The following PAK3 variants were observed in gnomAD, a reference collection of about 807,000 sequenced individuals.
The protein encoded by PAK3 is serine/threonine-protein kinase PAK 3.
Under a neutral mutation model 41.0 loss-of-function variants are expected in PAK3, and 4 were observed. That is an observed-to-expected ratio of 0.10 (90% CI 0.05 to 0.22). The LOEUF is 0.22. PAK3 is among the 10% of genes least tolerant of loss of function. PAK3 has a pLI of 1.00. For missense variants in PAK3, 205 were observed against 409.9 expected (o/e 0.50, Z 4.32); for synonymous variants, 146 against 139.6 (o/e 1.05, Z -0.32).
chrX:110,953,241 G>A (rs748074132), intron 1 of PAK3, among the ~76,000 whole-genome samples: 1 of 111,775 alleles, frequency 8.9e-6, no homozygotes, highest in African/African-American at 3.2e-5. Context: ...AGTAAATGGA[G>A]CTTACATTAA....
At chrX:110,993,995 C>G (rs762990593) in intron 1 of PAK3, among the ~76,000 whole-genome samples, 1 of 112,149 alleles carries the variant, frequency 8.9e-6, no homozygotes, top group South Asian at 3.7e-4. Context: ...AAACGTCTGT[C>G]CTTCTCAGAA....
At chrX:111,161,073 A>G (rs1394361431) in intron 8 of PAK3, among the ~76,000 whole-genome samples, 1 of 111,371 alleles carries the variant, frequency 9.0e-6, no homozygotes, top group East Asian at 2.8e-4. Flanking sequence ...CTAGTTTACA[A>G]TCCCCCCAAC....
rs2093969156 is a variant in PAK3, at chrX:111,147,796, G to A, written c.336G>A (p.Gln112=). The change falls in exon 7 of 18, where the codon CAG becomes CAA. Residue 112 remains glutamine, a synonymous_variant. Coordinates refer to ENST00000372007, the MANE Select transcript of PAK3 (RefSeq NM_002578.5). ...LQTSNITKLE[Q]KKNPQAVLDV... is the part of the protein sequence containing the mutation. The stretch of plus-strand genomic sequence containing the variant: ...CTTCCAACATAACAAAATTGGAACA[G>A]AAGAAGAACCCACAAGCTGTTCTAG... 8.3e-7 allele frequency: 1 copy of A among 1,200,125 alleles called. No homozygotes were observed. The highest frequency in any genetic ancestry group is 1.8e-5 in the African/African-American group (1 of 57,042).
At chrX:111,063,241 T>TAA (rs776552309) in intron 1 of PAK3, among the ~76,000 whole-genome samples, 1 of 112,495 alleles carries the variant, frequency 8.9e-6, no homozygotes, top group African/African-American at 3.2e-5. Flanking sequence ...CCAAATCACC[T>TAA]AAACTCTCTG....
intron 1 of PAK3, among the ~76,000 whole-genome samples, chrX:110,974,502 T>A (rs746822585): frequency 9.0e-6 from 1 of 111,632 alleles, no homozygotes; most frequent in Admixed American, 9.5e-5. Flanking sequence ...CAGGACCAGA[T>A]GGATTTACAG....
intron 3 of PAK3, among the ~76,000 whole-genome samples, chrX:111,099,160 A>G (rs1452828054): frequency 1.8e-5 from 2 of 112,361 alleles, no homozygotes; most frequent in Non-Finnish European, 3.8e-5. Context: ...GTGGCAGTCT[A>G]TTTCCATTTC....
At chrX:110,980,832 T>C (rs1486687915) in intron 1 of PAK3, among the ~76,000 whole-genome samples, 2 of 112,380 alleles carry the variant, frequency 1.8e-5, no homozygotes, top group African/African-American at 6.5e-5. Flanking sequence ...TGAATTCCTT[T>C]CTTCTGGGTG....
At chrX:111,051,760 G>A (rs1483923053) in intron 1 of PAK3, among the ~76,000 whole-genome samples, 1 of 111,384 alleles carries the variant, frequency 9.0e-6, no homozygotes, top group Non-Finnish European at 1.9e-5. Context: ...AATAAGTAAA[G>A]AGGGCAATGG....
intron 7 of PAK3, among the ~76,000 whole-genome samples, chrX:111,148,464 T>G (rs777691657): frequency 6.3e-5 from 7 of 111,963 alleles, no homozygotes; most frequent in Admixed American, 2.8e-4. Flanking sequence ...ATGTTCAAAT[T>G]TGCACTATAA....
intron 16 of PAK3, among the ~76,000 whole-genome samples, chrX:111,200,013 A>G (rs2149343789): frequency 9.0e-6 from 1 of 111,342 alleles, no homozygotes; most frequent in African/African-American, 3.3e-5. Flanking sequence ...AAAAAAGAAA[A>G]TATGCACAGA....
chrX:111,171,621 G>A (rs909389700), intron 10 of PAK3, among the ~76,000 whole-genome samples: 1 of 111,659 alleles, frequency 9.0e-6, no homozygotes, highest in Non-Finnish European at 1.9e-5. Context: ...GTTTTCTTAT[G>A]TAGCTTATAA....
At chrX:111,030,158 AT>A (rs1329745659) in intron 1 of PAK3, among the ~76,000 whole-genome samples, 1 of 111,820 alleles carries the variant, frequency 8.9e-6, no homozygotes, top group Non-Finnish European at 1.9e-5. Flanking sequence ...ATGGGAGTAA[AT>A]GATAAAATAT....
chrX:111,152,019 A>C (rs1373239612), intron 7 of PAK3, among the ~76,000 whole-genome samples: 1 of 112,306 alleles, frequency 8.9e-6, no homozygotes, highest in Non-Finnish European at 1.9e-5. Context: ...TTATTTCTGC[A>C]ATTTTTGATG....
intron 1 of PAK3, among the ~76,000 whole-genome samples, chrX:111,046,036 G>A (rs1237537845): frequency 9.0e-6 from 1 of 111,547 alleles, no homozygotes; most frequent in African/African-American, 3.3e-5. Flanking sequence ...GTTAACAAGA[G>A]CCACCTGGCT....
chrX:111,163,392 A>G (rs1280097184), intron 9 of PAK3, among the ~76,000 whole-genome samples, 170 bp from the exon 10 acceptor site: 1 of 111,243 alleles, frequency 9.0e-6, no homozygotes, highest in African/African-American at 3.3e-5. Flanking sequence ...ACATCCAAAG[A>G]CTAGCTCCCA....
chrX:111,176,622 C>T lies in PAK3; in HGVS notation c.830+3541C>T, dbSNP rs747485779. ...CCTGTGTCTGTCTTTCCCTGTTTTT[C>T]CTCAGTGTGTCTTCACATTTTTGTC... On this transcript the variant is annotated intron_variant, in intron 11 of 17. Coordinates refer to ENST00000372007, the MANE Select transcript of PAK3 (RefSeq NM_002578.5). Among the ~76,000 whole-genome samples the T allele has an allele frequency of 1.2e-4, 13 of 111,397 alleles. No individual in the cohort carries two copies. In the South Asian group the frequency reaches 3.1e-3, roughly 26 times the overall value.
chrX:111,145,990 G>T (rs923633480), intron 6 of PAK3, among the ~76,000 whole-genome samples: 3 of 111,705 alleles, frequency 2.7e-5, no homozygotes, highest in Non-Finnish European at 5.6e-5. Flanking sequence ...TCACATCAAT[G>T]AGAATAAAAT....
At chrX:110,953,309 A>T (rs2090785057) in intron 1 of PAK3, among the ~76,000 whole-genome samples, 1 of 111,501 alleles carries the variant, frequency 9.0e-6, no homozygotes, top group African/African-American at 3.3e-5. Context: ...TAGTTGTGTG[A>T]CCCTGAACTA....
chrX:111,178,980 T>TATATAGAG (rs1211051270), intron 11 of PAK3, among the ~76,000 whole-genome samples: 1 of 91,599 alleles, frequency 1.1e-5, no homozygotes, highest in African/African-American at 4.0e-5. Context: ...TATATATATA[T>TATATAGAG]AGAGAGAGAG....
Sources: allele counts gnomAD v4.1 joint callset (sites outside exome capture counted in the v4.1 genomes callset), GRCh38; gene constraint gnomAD v4.1.1; transcripts MANE v1.5; gene names NCBI Gene and HGNC (gene_info 2026-07-23, HGNC 2026-07-21).